FMNL2: variants seen among roughly 807,000 people sequenced by gnomAD.
The protein encoded by FMNL2 is formin-like protein 2.
In FMNL2, 51 loss-of-function variants were observed where a neutral mutation model predicts 130.2. The ratio of observed to expected loss-of-function variants is 0.39; its 90% confidence interval spans 0.31 to 0.49. FMNL2 has a LOEUF of 0.49. Among genes scored for constraint, FMNL2 ranks in the 20% least tolerant of loss-of-function variants. FMNL2 has a pLI of 0.85. For synonymous variants in FMNL2, 465 were observed against 467.1 expected, an observed-to-expected ratio of 1.00 and a Z score of 0.06; for missense variants, 977 against 1,316.2, an observed-to-expected ratio of 0.74 and a Z score of 3.99.
intron 9 of FMNL2, among the ~76,000 whole-genome samples, chr2:152,603,316 T>C (rs2105827973): frequency 6.6e-6 from 1 of 152,300 alleles, no homozygotes; most frequent in Middle Eastern, 3.4e-3. Flanking sequence ...AAAGCCGGCA[T>C]TTGTATTCAT....
chr2:152,336,180 C>T (rs1354311467), intron 1 of FMNL2, among the ~76,000 whole-genome samples: 2 of 152,044 alleles, frequency 1.3e-5, no homozygotes, highest in African/African-American at 2.4e-5. Context: ...GCGAAGTCCC[C>T]GGCAGATGGG....
At chr2:152,522,145 A>G in intron 2 of FMNL2, 119 bp downstream of exon 2, 1 of 784,562 alleles carries the variant, frequency 1.3e-6, no homozygotes. Flanking sequence ...TGCGACAGAG[A>G]TAGGAAAAAA....
At chr2:152,645,110 A>G (rs1260707769) in intron 25 of FMNL2, among the ~76,000 whole-genome samples, 3 of 152,202 alleles carry the variant, frequency 2.0e-5, no homozygotes, top group African/African-American at 7.2e-5. Context: ...TCTGCAGTGT[A>G]CTTACCCACC....
intron 3 of FMNL2, among the ~76,000 whole-genome samples, chr2:152,547,757 C>T (rs996641624): frequency 5.9e-5 from 9 of 152,194 alleles, no homozygotes; most frequent in Non-Finnish European, 2.9e-5. Context: ...ATTGTGGCAG[C>T]AGAGGAGAGA....
chr2:152,525,433 G>A (rs376052482), intron 2 of FMNL2, among the ~76,000 whole-genome samples: 34 of 152,278 alleles, frequency 2.2e-4, no homozygotes, highest in Middle Eastern at 6.8e-3. Context: ...TCCCTATGCT[G>A]GGTTATAAAA....
intron 25 of FMNL2, among the ~76,000 whole-genome samples, chr2:152,644,511 G>A (rs1683370712): frequency 6.6e-6 from 1 of 152,178 alleles, no homozygotes; most frequent in Non-Finnish European, 1.5e-5. Context: ...GCTTGTATAT[G>A]TAGATATAGG....
chr2:152,457,186 TA>T (rs369227444), intron 1 of FMNL2, among the ~76,000 whole-genome samples: 6,185 of 140,796 alleles, frequency 0.044, 326 homozygotes, highest in African/African-American at 0.13. Flanking sequence ...AGGGAGATGG[TA>T]AAAAAAAAAA....
intron 12 of FMNL2, among the ~76,000 whole-genome samples, chr2:152,616,252 T>C (rs1182224366): frequency 1.3e-5 from 2 of 152,028 alleles, no homozygotes; most frequent in Non-Finnish European, 2.9e-5. Context: ...CATACTTACA[T>C]GTCCACTTTT....
intron 6 of FMNL2, among the ~76,000 whole-genome samples, chr2:152,569,545 G>A (rs1008996058): frequency 6.6e-6 from 1 of 151,856 alleles, no homozygotes; most frequent in Admixed American, 6.6e-5. Context: ...AGCCGGGCGT[G>A]GTGGTGCCAC....
At chr2:152,431,165 G>A (rs1161124638) in intron 1 of FMNL2, among the ~76,000 whole-genome samples, 1 of 152,136 alleles carries the variant, frequency 6.6e-6, no homozygotes, top group Non-Finnish European at 1.5e-5. Context: ...GGAAAAAAGA[G>A]ACTATCTTTA....
intron 7 of FMNL2, 89 bp downstream of exon 7, chr2:152,575,333 G>A (rs1356219670): frequency 2.0e-5 from 15 of 739,234 alleles, no homozygotes; most frequent in South Asian, 1.1e-4. Context: ...CCGCTTGGGC[G>A]AAGGGTACAA....
intron 1 of FMNL2, 22 bp from the exon 2 acceptor site, chr2:152,521,921 T>C (rs1456984948): frequency 1.3e-6 from 2 of 1,593,208 alleles, no homozygotes; most frequent in Non-Finnish European, 1.7e-6. Flanking sequence ...ACATCTTTTC[T>C]CTCTTTATTT....
chr2:152,432,739 C>A lies in FMNL2; in HGVS notation c.118-89204C>A, dbSNP rs559479730. 4.8e-4 allele frequency among the ~76,000 whole-genome samples: 73 copies of A among 152,326 alleles called. 1 individual carries two copies. The highest frequency in any genetic ancestry group is 4.8e-3 in the South Asian group (23 of 4,824). ...TAGGGGGCCGTTAATTAAACTGTAG[C>A]CTTTCTTGGGACTCTAACAAATTTT... On this transcript the variant is annotated intron_variant, in intron 1 of 25. Transcript: ENST00000288670.
At chr2:152,551,600 T>C (rs1435329414) in intron 4 of FMNL2, among the ~76,000 whole-genome samples, 2 of 152,250 alleles carry the variant, frequency 1.3e-5, no homozygotes, top group East Asian at 3.8e-4. Flanking sequence ...GATAGGGATA[T>C]CTTCTGAAAA....
At chr2:152,598,109 C>T (rs1425887335) in intron 9 of FMNL2, among the ~76,000 whole-genome samples, 1 of 152,196 alleles carries the variant, frequency 6.6e-6, no homozygotes, top group Admixed American at 6.5e-5. Context: ...ATAGCTGCCT[C>T]TTGCGCAGGC....
chr2:152,417,503 C>T (rs1354583206), intron 1 of FMNL2, among the ~76,000 whole-genome samples: 1 of 152,172 alleles, frequency 6.6e-6, no homozygotes, highest in Non-Finnish European at 1.5e-5. Flanking sequence ...TAGTCTAGGG[C>T]ATTGCAAGGT....
intron 6 of FMNL2, among the ~76,000 whole-genome samples, chr2:152,561,427 C>T (rs944808498): frequency 8.6e-5 from 13 of 152,012 alleles, no homozygotes; most frequent in East Asian, 3.9e-4. Context: ...TTTGTCCTTC[C>T]GCTCTCTTTC....
chr2:152,638,970 AAAG>A (rs976257528), intron 23 of FMNL2, among the ~76,000 whole-genome samples: 2 of 152,200 alleles, frequency 1.3e-5, no homozygotes, highest in Admixed American at 6.5e-5. Flanking sequence ...GCAGAGGAAA[AAAG>A]AAGCTGCCCT....
chr2:152,646,352 G>GA, intron 25 of FMNL2, among the ~76,000 whole-genome samples: 1 of 142,924 alleles, frequency 7.0e-6, no homozygotes, highest in South Asian at 2.2e-4. Context: ...CACCCCCCCA[G>GA]AAAAGAGTAG....
Sources: allele counts gnomAD v4.1 joint callset (sites outside exome capture counted in the v4.1 genomes callset), GRCh38; gene constraint gnomAD v4.1.1; transcripts MANE v1.5; gene names NCBI Gene and HGNC (gene_info 2026-07-23, HGNC 2026-07-21).